The following ZNF236 variants were observed in gnomAD, a reference collection of about 807,000 sequenced individuals.
ZNF236 encodes the protein zinc finger protein 236, also known as regulated by glucose.
Under a neutral mutation model 191.2 loss-of-function variants are expected in ZNF236, and 50 were observed. The ratio of observed to expected loss-of-function variants is 0.26; its 90% confidence interval spans 0.21 to 0.33. The LOEUF (loss-of-function observed/expected upper bound fraction) is 0.33, where lower values mean the gene tolerates loss of function less well. Ranked by LOEUF, ZNF236 falls within the 10% of genes least tolerant of loss-of-function variation. ZNF236 has a pLI of 1.00. For synonymous variants in ZNF236, 907 were observed against 928.8 expected (o/e 0.98, Z 0.43); for missense variants, 1,754 against 2,374.5 (o/e 0.74, Z 5.43).
chr18:76,955,816 T>C (rs1053606722), intron 27 of ZNF236, among the ~76,000 whole-genome samples, 169 bp from the exon 28 acceptor site: 3 of 152,184 alleles, frequency 2.0e-5, no homozygotes, highest in Non-Finnish European at 2.9e-5. Flanking sequence ...TGGTCTCATA[T>C]TGTGTGGAAG....
At chr18:76,912,563 G>A (rs73488922) in intron 17 of ZNF236, among the ~76,000 whole-genome samples, 2,452 of 152,288 alleles carry the variant, frequency 0.016, 60 homozygotes, top group African/African-American at 0.056. Context: ...GCCAGGATTT[G>A]GATACGGCAG....
At chr18:76,849,428 C>A in intron 1 of ZNF236, 98 bp from the exon 2 acceptor site, 2 of 946,894 alleles carry the variant, frequency 2.1e-6, no homozygotes, top group Non-Finnish European at 3.0e-6. Flanking sequence ...AAATCTCTGA[C>A]ATAATTTGGT....
intron 1 of ZNF236, 90 bp from the exon 2 acceptor site, chr18:76,849,436 G>T: frequency 9.6e-7 from 1 of 1,037,050 alleles, no homozygotes; most frequent in South Asian, 2.2e-5. Context: ...GACATAATTT[G>T]GTTTTTAAAC....
chr18:76,961,899 A>G (rs1244001629), intron 30 of ZNF236, among the ~76,000 whole-genome samples: 1 of 151,584 alleles, frequency 6.6e-6, no homozygotes, highest in Non-Finnish European at 1.5e-5. Flanking sequence ...TCCTTAGCTC[A>G]CTTTTTGATG....
At chr18:76,841,321 C>T (rs1205813688) in intron 1 of ZNF236, among the ~76,000 whole-genome samples, 1 of 152,252 alleles carries the variant, frequency 6.6e-6, no homozygotes, top group Admixed American at 6.5e-5. Flanking sequence ...GATCCACCTG[C>T]CTCGGCCTCC....
chr18:76,959,905 C>A, intron 29 of ZNF236, 89 bp downstream of exon 29: 1 of 1,428,972 alleles, frequency 7.0e-7, no homozygotes, highest in South Asian at 1.4e-5. Context: ...GCAATATTCA[C>A]GAGCGATGGA....
chr18:76,952,769 G>A (rs1968439108), intron 27 of ZNF236, among the ~76,000 whole-genome samples: 1 of 152,144 alleles, frequency 6.6e-6, no homozygotes, highest in South Asian at 2.1e-4. Context: ...GATCACCACT[G>A]TACTCCAACC....
At chr18:76,947,800 G>A in intron 27 of ZNF236, 148 bp downstream of exon 27, 2 of 878,112 alleles carry the variant, frequency 2.3e-6, no homozygotes, top group Non-Finnish European at 3.3e-6. Flanking sequence ...AATCCTGAGT[G>A]GACATAGGCC....
At chr18:76,908,112 C>T (rs534203563) in intron 13 of ZNF236, among the ~76,000 whole-genome samples, 18 of 151,350 alleles carry the variant, frequency 1.2e-4, no homozygotes, top group Non-Finnish European at 2.2e-4. Context: ...GTCTTGTAGC[C>T]GGTGGAAGCA....
intron 1 of ZNF236, among the ~76,000 whole-genome samples, chr18:76,845,512 C>G (rs1418161225): frequency 2.6e-5 from 4 of 152,054 alleles, no homozygotes; most frequent in African/African-American, 9.7e-5. Flanking sequence ...TTAGGAATGT[C>G]TGCTGCTAAA....
intron 10 of ZNF236, among the ~76,000 whole-genome samples, chr18:76,897,875 C>T (rs961875650): frequency 1.3e-5 from 2 of 152,208 alleles, no homozygotes; most frequent in Non-Finnish European, 2.9e-5. Context: ...GTCTTTTCAT[C>T]AGCACTTGTT....
chr18:76,956,807 G>A (rs981046634), intron 28 of ZNF236, among the ~76,000 whole-genome samples: 1 of 152,180 alleles, frequency 6.6e-6, no homozygotes, highest in African/African-American at 2.4e-5. Context: ...TCCAGCCCAG[G>A]GCGCCGTCTT....
rs1051647256 is a variant in ZNF236, at chr18:76,969,713, T to C, written c.*1374T>C. ...TTTATTATAAATATTGTATGGACTT[T>C]GTATATTAAGAGAGGAGCTCATTTC... On this transcript the variant is annotated 3_prime_UTR_variant, in exon 31 of 31. Transcript: ENST00000320610. 2.0e-5 allele frequency: 3 copies of C among 152,620 alleles called. No individual in the cohort carries two copies. The highest frequency in any genetic ancestry group is 2.9e-5 in the Non-Finnish European group (2 of 68,032). 9.5% of individuals were successfully genotyped at this position (152,620 alleles called of 1,614,324 possible).
chr18:76,956,249 T>A, intron 28 of ZNF236, 67 bp downstream of exon 28: 1 of 1,513,898 alleles, frequency 6.6e-7, no homozygotes, highest in South Asian at 1.2e-5. Flanking sequence ...AGTCCAAGAT[T>A]TAACACTGGC....
At chr18:76,883,375 T>C (rs1472430230) in intron 9 of ZNF236, among the ~76,000 whole-genome samples, 1 of 151,250 alleles carries the variant, frequency 6.6e-6, no homozygotes, top group African/African-American at 2.4e-5. Context: ...TTTTTTTTTT[T>C]TTTTTTTTTT....
intron 1 of ZNF236, among the ~76,000 whole-genome samples, chr18:76,828,689 C>T (rs1335503801): frequency 3.3e-5 from 5 of 152,140 alleles, no homozygotes; most frequent in East Asian, 1.9e-4. Context: ...ATTTTGGAGA[C>T]GGAGTCTCGC....
At chr18:76,840,494 CAAAAAA>C (rs202010236) in intron 1 of ZNF236, among the ~76,000 whole-genome samples, 1 of 139,448 alleles carries the variant, frequency 7.2e-6, no homozygotes, top group Non-Finnish European at 1.6e-5. Flanking sequence ...AACTCTGTCT[CAAAAAA>C]AAAAGAAAAA....
chr18:76,883,946 C>G (rs9966246), intron 9 of ZNF236, among the ~76,000 whole-genome samples: 1 of 152,108 alleles, frequency 6.6e-6, no homozygotes, highest in East Asian at 1.9e-4. Context: ...AAGCATACTC[C>G]GCCATGTAAA....
chr18:76,912,163 C>T, intron 16 of ZNF236, 81 bp from the exon 17 acceptor site: 5 of 1,018,252 alleles, frequency 4.9e-6, no homozygotes, highest in South Asian at 3.1e-5. Flanking sequence ...TGTTCTTATC[C>T]TTAGTTCTTA....
Sources: gnomAD v4.1 joint callset for allele counts (sites outside exome capture counted in the v4.1 genomes callset) on GRCh38, gnomAD v4.1.1 for gene constraint, MANE v1.5 for transcripts, NCBI Gene and HGNC (gene_info 2026-07-23, HGNC 2026-07-21) for gene names.